Variants in KLHL32 observed in about 807,000 individuals in gnomAD.
KLHL32 encodes kelch-like protein 32.
In KLHL32, 35 loss-of-function variants were observed where a neutral mutation model predicts 64.8. That is an observed-to-expected ratio of 0.54 (90% CI 0.41 to 0.72). KLHL32 has a LOEUF of 0.72. KLHL32 is among the 30% of genes least tolerant of loss of function. KLHL32 has a pLI of 0.00. For synonymous variants in KLHL32, 259 were observed against 281.0 expected (o/e 0.92, Z 0.78); for missense variants, 589 against 768.5 (o/e 0.77, Z 2.76).
intron 7 of KLHL32, among the ~76,000 whole-genome samples, chr6:97,119,156 C>T (rs564465109): frequency 6.6e-6 from 1 of 152,262 alleles, no homozygotes; most frequent in East Asian, 1.9e-4. Context: ...ACCTAGGTGG[C>T]TCTACCTGTG....
At chr6:97,010,323 G>A (rs1054102931) in intron 3 of KLHL32, 1 of 152,056 alleles carries the variant, frequency 6.6e-6, no homozygotes, top group Admixed American at 6.5e-5. Context: ...GGTGGAGCAG[G>A]GTTGCTGTAT....
intron 2 of KLHL32, among the ~76,000 whole-genome samples, chr6:96,973,396 G>A (rs888672476): frequency 7.9e-5 from 12 of 151,968 alleles, no homozygotes; most frequent in African/African-American, 2.9e-4. Context: ...TATATTCTTC[G>A]GTTCCACTAC....
chr6:96,957,866 A>G (rs560569158), intron 1 of KLHL32, among the ~76,000 whole-genome samples: 20 of 152,358 alleles, frequency 1.3e-4, no homozygotes, highest in African/African-American at 4.6e-4. Flanking sequence ...ACATTATTTT[A>G]GGGAATGAAT....
intron 4 of KLHL32, among the ~76,000 whole-genome samples, chr6:97,060,630 G>A (rs1788725987): frequency 1.3e-5 from 2 of 152,116 alleles, no homozygotes; most frequent in South Asian, 2.1e-4. Context: ...AGTTTAGAGG[G>A]TCTTCATTGG....
chr6:96,972,203 C>A (rs1775188110), intron 2 of KLHL32, among the ~76,000 whole-genome samples: 1 of 152,072 alleles, frequency 6.6e-6, no homozygotes, highest in Non-Finnish European at 1.5e-5. Context: ...ACCCAACATA[C>A]CCTAAATATT....
At chr6:97,111,031 G>C (rs1737131) in intron 6 of KLHL32, among the ~76,000 whole-genome samples, 76,700 of 142,466 alleles carry the variant, frequency 0.54, 19,839 homozygotes, top group African/African-American at 0.63. Context: ...GAAAAGTCTT[G>C]GGGGGGGGGG....
At chr6:97,060,919 G>C (rs79528481) in intron 4 of KLHL32, among the ~76,000 whole-genome samples, 1 of 152,106 alleles carries the variant, frequency 6.6e-6, no homozygotes, top group African/African-American at 2.4e-5. Context: ...TCAGCATTTG[G>C]AATGGGAATC....
intron 6 of KLHL32, among the ~76,000 whole-genome samples, chr6:97,107,237 G>A (rs1278621100): frequency 6.6e-6 from 1 of 151,828 alleles, no homozygotes; most frequent in Non-Finnish European, 1.5e-5. Context: ...AGCTTGCAGT[G>A]AGCCGAGATC....
intron 3 of KLHL32, among the ~76,000 whole-genome samples, chr6:97,011,377 T>C (rs901354411): frequency 6.6e-6 from 1 of 152,256 alleles, no homozygotes; most frequent in African/African-American, 2.4e-5. Flanking sequence ...TATGCCCTAA[T>C]GGTTGGAATG....
intron 7 of KLHL32, 95 bp downstream of exon 7, chr6:97,114,604 A>C (rs1202170702): frequency 1.4e-6 from 2 of 1,458,960 alleles, no homozygotes; most frequent in Non-Finnish European, 9.5e-7. Flanking sequence ...TGTGTAATTG[A>C]AAGATTGAAC....
intron 3 of KLHL32, among the ~76,000 whole-genome samples, chr6:97,008,435 G>T (rs1364924434): frequency 3.3e-5 from 5 of 152,126 alleles, no homozygotes; most frequent in African/African-American, 1.2e-4. Context: ...AGACCACCCT[G>T]CTGTGTCCAG....
chr6:97,127,561 A>G (rs1799005372), intron 8 of KLHL32, 99 bp downstream of exon 8: 4 of 943,962 alleles, frequency 4.2e-6, no homozygotes, highest in South Asian at 2.8e-5. Context: ...ACACACAGAT[A>G]TGCATCTTTA....
At chr6:97,011,021 G>T (rs949453621) in intron 3 of KLHL32, among the ~76,000 whole-genome samples, 2 of 152,136 alleles carry the variant, frequency 1.3e-5, no homozygotes, top group Non-Finnish European at 2.9e-5. Context: ...TCAGAAGAAG[G>T]TTCTATTTCT....
intron 5 of KLHL32, among the ~76,000 whole-genome samples, chr6:97,075,748 T>C (rs1344514878): frequency 6.6e-6 from 1 of 152,210 alleles, no homozygotes; most frequent in Non-Finnish European, 1.5e-5. Context: ...TACCTTGATT[T>C]ATAACTCAGT....
At chr6:97,025,828 C>T (rs938074883) in intron 3 of KLHL32, among the ~76,000 whole-genome samples, 2 of 152,114 alleles carry the variant, frequency 1.3e-5, no homozygotes, top group African/African-American at 4.8e-5. Context: ...AATAGTAGTA[C>T]CTGACTTCAC....
Position 97,140,231 on chromosome 6 carries a change from A to G in KLHL32, c.*949A>G, listed in dbSNP as rs1800536590. The G allele has an allele frequency of 8.3e-6, 1 of 120,524 alleles. No homozygotes were observed. Among genetic ancestry groups the G allele is most frequent in the African/African-American group, 3.1e-5 (1 of 32,506 alleles). The allele number at this position is 120,524 out of a possible 1,614,324, so 7.5% of individuals were successfully genotyped here. On this transcript the variant is annotated 3_prime_UTR_variant, in exon 11 of 11. Coordinates refer to ENST00000369261, the MANE Select transcript of KLHL32 (RefSeq NM_052904.4). ...ACAGGTATCTAAACTTGCCTCAAGTAACTCTCAGATGTCTTATTTAAAATC... is the reference window on the plus strand; with the variant it reads ...ACAGGTATCTAAACTTGCCTCAAGTGACTCTCAGATGTCTTATTTAAAATC...
chr6:97,067,137 C>T (rs552971238), intron 5 of KLHL32, among the ~76,000 whole-genome samples: 2 of 152,312 alleles, frequency 1.3e-5, no homozygotes, highest in South Asian at 4.1e-4. Flanking sequence ...CACTACAAAG[C>T]AGCTCCAAGG....
At chr6:96,985,453 A>G (rs1776903330) in intron 3 of KLHL32, among the ~76,000 whole-genome samples, 1 of 152,194 alleles carries the variant, frequency 6.6e-6, no homozygotes, top group Non-Finnish European at 1.5e-5. Context: ...CCTAGATCAT[A>G]TCCTGCAGAG....
At chr6:96,971,404 G>A (rs1345649489) in intron 2 of KLHL32, among the ~76,000 whole-genome samples, 1 of 152,210 alleles carries the variant, frequency 6.6e-6, no homozygotes, top group Non-Finnish European at 1.5e-5. Flanking sequence ...GATTCAGTCT[G>A]AGTAGGGAAT....
Sources: gnomAD v4.1 joint callset for allele counts (sites outside exome capture counted in the v4.1 genomes callset) on GRCh38, gnomAD v4.1.1 for gene constraint, MANE v1.5 for transcripts, NCBI Gene and HGNC (gene_info 2026-07-23, HGNC 2026-07-21) for gene names.